TPST1: variants seen among roughly 807,000 people sequenced by gnomAD.
TPST1 encodes the protein protein-tyrosine sulfotransferase 1.
A neutral mutation model predicts 34.8 loss-of-function variants in TPST1; 20 were observed. That is an observed-to-expected ratio of 0.57 (90% CI 0.40 to 0.84). The LOEUF (loss-of-function observed/expected upper bound fraction) is 0.84, where lower values mean the gene tolerates loss of function less well. TPST1 is among the 40% of genes least tolerant of loss of function. The pLI is 0.00. For missense variants in TPST1, 353 were observed against 455.5 expected (o/e 0.78, Z 2.05); for synonymous variants, 152 against 159.4 (o/e 0.95, Z 0.35).
At chr7:66,230,150 T>C (rs1789746673) in intron 1 of TPST1, among the ~76,000 whole-genome samples, 1 of 152,212 alleles carries the variant, frequency 6.6e-6, no homozygotes, top group African/African-American at 2.4e-5. Flanking sequence ...ATTACGCCCC[T>C]GCACTCCAGC....
At chr7:66,227,114 A>G (rs146911022) in intron 1 of TPST1, among the ~76,000 whole-genome samples, 1,819 of 134,084 alleles carry the variant, frequency 0.014, 37 homozygotes, top group African/African-American at 0.048. Context: ...ACTCACTGCA[A>G]CCTCCGCCTC....
At chr7:66,327,718 G>A (rs1297630633) in intron 3 of TPST1, among the ~76,000 whole-genome samples, 1 of 128,554 alleles carries the variant, frequency 7.8e-6, no homozygotes, top group Non-Finnish European at 1.6e-5. Context: ...GAAAGACCCT[G>A]TCTTAAAAAA....
chr7:66,313,018 A>G (rs1791561632), intron 3 of TPST1, among the ~76,000 whole-genome samples: 1 of 151,334 alleles, frequency 6.6e-6, no homozygotes. Flanking sequence ...CTGTACCTAG[A>G]CATATTTTGC....
rs185092722 is a variant in TPST1, at chr7:66,347,516, G to A, written c.1045-4989G>A. 3.6e-3 allele frequency among the ~76,000 whole-genome samples: 552 copies of A among 152,266 alleles called. 5 individuals are homozygous for A. Among genetic ancestry groups the A allele is most frequent in the African/African-American group, 0.013 (529 of 41,554 alleles). Reference sequence around the variant, plus strand: ...GTGTGGATATGTTTCTGGGTTATCTGTTCTTTTCCATCAATCTGTGTGTCT... The same window carrying A: ...GTGTGGATATGTTTCTGGGTTATCTATTCTTTTCCATCAATCTGTGTGTCT... On this transcript the variant is annotated intron_variant, in intron 3 of 5. Coordinates refer to ENST00000304842, the MANE Select transcript of TPST1 (RefSeq NM_003596.4).
chr7:66,298,048 G>A (rs533975581), intron 3 of TPST1, among the ~76,000 whole-genome samples: 1 of 152,240 alleles, frequency 6.6e-6, no homozygotes, highest in African/African-American at 2.4e-5. Flanking sequence ...ATTATGGTCA[G>A]AGAACACTCA....
At chr7:66,354,252 A>C (rs558333486) in intron 4 of TPST1, among the ~76,000 whole-genome samples, 2 of 152,260 alleles carry the variant, frequency 1.3e-5, no homozygotes, top group Non-Finnish European at 2.9e-5. Context: ...GAACAGACTG[A>C]CACCGGCTGT....
chr7:66,247,502 A>C (rs1037063461), intron 2 of TPST1, among the ~76,000 whole-genome samples: 1 of 152,218 alleles, frequency 6.6e-6, no homozygotes, highest in African/African-American at 2.4e-5. Context: ...CAGAGAGGTC[A>C]TCTTGGGCAA....
intron 2 of TPST1, among the ~76,000 whole-genome samples, chr7:66,248,908 A>G (rs939677304): frequency 2.1e-4 from 32 of 152,116 alleles, no homozygotes; most frequent in African/African-American, 7.7e-4. Context: ...ACAAACACAG[A>G]AGTTGATTTC....
rs555231340 is a variant in TPST1, at chr7:66,211,750, G to A, written c.-102+6228G>A. Among the ~76,000 whole-genome samples, 24 of 152,296 alleles carry A rather than the reference G, an allele frequency of 1.6e-4. No individual in the cohort carries two copies. The South Asian group carries it at 4.1e-3, about 26-fold the overall frequency. ...TGGGAGGCCAAGGCAGGGGGATCAC[G>A]GGGTCAAGAGATGGAGACCATCCTG... is the stretch of plus-strand genomic sequence containing the variant. On this transcript the variant is annotated intron_variant, in intron 1 of 5. Coordinates refer to ENST00000304842, the MANE Select transcript of TPST1 (RefSeq NM_003596.4).
At chr7:66,334,913 C>G (rs574517254) in intron 3 of TPST1, among the ~76,000 whole-genome samples, 1 of 152,148 alleles carries the variant, frequency 6.6e-6, no homozygotes, top group Admixed American at 6.5e-5. Context: ...CCCGTCCCAT[C>G]AGGGAGAGCC....
At chr7:66,302,213 G>T (rs1490717657) in intron 3 of TPST1, among the ~76,000 whole-genome samples, 2 of 152,184 alleles carry the variant, frequency 1.3e-5, no homozygotes, top group African/African-American at 2.4e-5. Context: ...ATTGATTTCA[G>T]TTTGCCTCTG....
At chr7:66,283,755 T>C (rs1790979138) in intron 2 of TPST1, among the ~76,000 whole-genome samples, 1 of 152,214 alleles carries the variant, frequency 6.6e-6, no homozygotes, top group Non-Finnish European at 1.5e-5. Context: ...GCCCTAGTCA[T>C]GTGTTACCCC....
At chr7:66,276,607 T>C (rs1317569122) in intron 2 of TPST1, among the ~76,000 whole-genome samples, 1 of 151,864 alleles carries the variant, frequency 6.6e-6, no homozygotes, top group Non-Finnish European at 1.5e-5. Flanking sequence ...CTATTTCACT[T>C]ATAATTTCTT....
chr7:66,224,846 T>G (rs1263753762), intron 1 of TPST1, among the ~76,000 whole-genome samples: 1 of 151,964 alleles, frequency 6.6e-6, no homozygotes, highest in African/African-American at 2.4e-5. Flanking sequence ...ATTGCAGTGT[T>G]TCAGTGCTTT....
intron 3 of TPST1, among the ~76,000 whole-genome samples, chr7:66,307,120 A>C (rs898048379): frequency 6.6e-6 from 1 of 151,992 alleles, no homozygotes; most frequent in African/African-American, 2.4e-5. Context: ...TAATGGAACC[A>C]AAACTCCACT....
intron 2 of TPST1, among the ~76,000 whole-genome samples, chr7:66,251,112 A>C (rs1257220823): frequency 2.6e-5 from 4 of 152,234 alleles, no homozygotes; most frequent in African/African-American, 9.6e-5. Flanking sequence ...TTACTGAAAT[A>C]GTATCCATTA....
chr7:66,359,281 A>AGGAATCAG (rs1792642882), intron 5 of TPST1: 1 of 149,520 alleles, frequency 6.7e-6, no homozygotes, highest in Non-Finnish European at 1.5e-5. Flanking sequence ...TCACATGAGG[A>AGGAATCAG]GGAATCAGGG....
intron 3 of TPST1, among the ~76,000 whole-genome samples, chr7:66,316,110 CAA>C (rs1020760097): frequency 1.4e-4 from 13 of 91,760 alleles, no homozygotes; most frequent in Admixed American, 3.4e-4. Context: ...AACTCCATCT[CAA>C]AAAAAAAAAA....
At position 66,332,681 on chromosome 7, in the gene TPST1, GATGCTT is replaced by G. The variant is rs2116280942; in HGVS notation, c.1045-19822_1045-19817del. Among the ~76,000 whole-genome samples the G allele has an allele frequency of 6.6e-6, 1 of 152,306 alleles. No homozygotes were observed. The highest frequency in any genetic ancestry group is 2.4e-5 in the African/African-American group (1 of 41,560). On this transcript the variant is annotated intron_variant, in intron 3 of 5. Coordinates refer to ENST00000304842, the MANE Select transcript of TPST1 (RefSeq NM_003596.4). The surrounding 1 kb of genome is among the most constrained non-coding windows in gnomAD (Gnocchi z 4.5). ...GACTGAAAATATGTGGGGGGGAAAT[GATGCTT>G]ACATCTGTACTGAACGTGACGGACT... is the stretch of plus-strand genomic sequence containing the variant.
Sources: allele counts gnomAD v4.1 joint callset (sites outside exome capture counted in the v4.1 genomes callset), GRCh38; gene constraint gnomAD v4.1.1; non-coding constraint Gnocchi (gnomAD v3.1); transcripts MANE v1.5; gene names NCBI Gene and HGNC (gene_info 2026-07-23, HGNC 2026-07-21).